The following NFATC1 variants were observed in gnomAD, a reference collection of about 807,000 sequenced individuals.
NFATC1 encodes nuclear factor of activated T-cells, cytoplasmic 1.
NFATC1 carries 22 observed loss-of-function variants against 76.0 expected under a neutral mutation model. That is an observed-to-expected ratio of 0.29 (90% confidence interval 0.21 to 0.41). The LOEUF (loss-of-function observed/expected upper bound fraction) is 0.41. NFATC1 is among the 10% of genes least tolerant of loss of function. The pLI is 1.00. For synonymous variants in NFATC1, 704 were observed against 613.1 expected (o/e 1.15, Z -2.19); for missense variants, 1,357 against 1,337.7 (o/e 1.01, Z -0.23).
intron 9 of NFATC1, among the ~76,000 whole-genome samples, chr18:79,504,001 G>A (rs1250620031): frequency 1.3e-5 from 2 of 152,304 alleles, no homozygotes; most frequent in South Asian, 2.1e-4. Context: ...CAGAGAGAGC[G>A]AGGGTCTTGG....
chr18:79,436,051 A>G (rs1029268295), intron 3 of NFATC1, among the ~76,000 whole-genome samples: 4 of 152,222 alleles, frequency 2.6e-5, no homozygotes, highest in African/African-American at 4.8e-5. Flanking sequence ...CAGTTGGTGG[A>G]CCACAAATTG....
chr18:79,450,816 T>C (rs1390500796), intron 4 of NFATC1, 138 bp from the exon 5 acceptor site: 1 of 1,111,828 alleles, frequency 9.0e-7, no homozygotes. Flanking sequence ...CTTGTTTTCC[T>C]TGGGGAAGGG....
chr18:79,523,736 C>T (rs56151036), intron 9 of NFATC1, among the ~76,000 whole-genome samples: 6,516 of 152,242 alleles, frequency 0.043, 217 homozygotes, highest in Admixed American at 0.074. Context: ...GGATTCAAAA[C>T]GCCACAGTCG....
In NFATC1 at chr18:79,510,814, TCC is replaced by T. The variant is rs1274877300; in HGVS notation, c.2783-16713_2783-16712del. On this transcript the variant is annotated intron_variant, in intron 9 of 9. Transcript: ENST00000427363. ...GACCCCGGCATCCCCTCCACGGGGC[TCC>T]TCTGCCGGGGCATCCTCTGCCGGGG... Among the ~76,000 whole-genome samples, 47 of 13,088 alleles carry T rather than the reference TCC, an allele frequency of 3.6e-3. 2 individuals are homozygous for T. The highest frequency in any genetic ancestry group is 3.2e-4 in the Non-Finnish European group (1 of 3,138). 8.6% of individuals were successfully genotyped at this position (13,088 alleles called of 152,430 possible).
chr18:79,434,391 G>A (rs538105519), intron 3 of NFATC1, among the ~76,000 whole-genome samples: 1 of 152,378 alleles, frequency 6.6e-6, no homozygotes, highest in East Asian at 1.9e-4. Flanking sequence ...AGGGAGGGGT[G>A]TAATGACCGC....
At chr18:79,438,416 G>A (rs575152231) in intron 3 of NFATC1, among the ~76,000 whole-genome samples, 2 of 152,266 alleles carry the variant, frequency 1.3e-5, no homozygotes, top group East Asian at 3.9e-4. Flanking sequence ...ACCATCCCAC[G>A]GGGGCACGTG....
intron 9 of NFATC1, among the ~76,000 whole-genome samples, chr18:79,516,899 G>A (rs1334104084): frequency 6.6e-6 from 1 of 152,112 alleles, no homozygotes; most frequent in Admixed American, 6.5e-5. Context: ...CCTTAAATGA[G>A]AGCCATACAA....
chr18:79,464,698 A>ATATATAT (rs1329123171), intron 7 of NFATC1, among the ~76,000 whole-genome samples: 1 of 94,874 alleles, frequency 1.1e-5, no homozygotes, highest in African/African-American at 5.5e-5. Flanking sequence ...ATATATATTT[A>ATATATAT]TTTATTTATT....
chr18:79,440,652 TC>T (rs1436763437), intron 3 of NFATC1, among the ~76,000 whole-genome samples: 1 of 152,204 alleles, frequency 6.6e-6, no homozygotes, highest in African/African-American at 2.4e-5. Flanking sequence ...AGCTGGGTTC[TC>T]CCGGGAAGGA....
At chr18:79,468,053 G>A (rs1341840976) in intron 8 of NFATC1, 15 of 941,286 alleles carry the variant, frequency 1.6e-5, no homozygotes, top group South Asian at 4.9e-5. Flanking sequence ...CTGGGCGGAC[G>A]TCCCCGAGAC....
At chr18:79,409,003 C>T (rs8098829) in intron 1 of NFATC1, among the ~76,000 whole-genome samples, 9,514 of 91,088 alleles carry the variant, frequency 0.1, 2,265 homozygotes, top group African/African-American at 0.33. Flanking sequence ...TTCCTCCATT[C>T]CCTATCCATC....
chr18:79,400,161 C>CGAGTTTATTTAAAAACTCGTGTCCGGG, intron 1 of NFATC1: 3 of 1,074,326 alleles, frequency 2.8e-6, no homozygotes, highest in Non-Finnish European at 3.4e-6. Context: ...GGGGGGGACA[C>CGAGTTTATTTAAAAACTCGTGTCCGGG]GAGTTTATTT....
At chr18:79,414,990 C>T (rs985618094) in intron 2 of NFATC1, among the ~76,000 whole-genome samples, 4 of 152,212 alleles carry the variant, frequency 2.6e-5, no homozygotes, top group African/African-American at 9.6e-5. Flanking sequence ...CTAAAGTCTA[C>T]GTGATTGCTT....
chr18:79,442,987 G>A (rs1384516347), intron 3 of NFATC1, among the ~76,000 whole-genome samples: 1 of 152,210 alleles, frequency 6.6e-6, no homozygotes, highest in South Asian at 2.1e-4. Context: ...AGCTCCGCCT[G>A]CCCCCTTTTG....
intron 2 of NFATC1, among the ~76,000 whole-genome samples, chr18:79,429,872 C>T (rs1029293747): frequency 6.6e-6 from 1 of 152,236 alleles, no homozygotes; most frequent in African/African-American, 2.4e-5. Context: ...GGGTCAACGG[C>T]GGACTTCACC....
intron 2 of NFATC1, chr18:79,422,272 T>A (rs2086119382): frequency 6.6e-6 from 1 of 151,900 alleles, no homozygotes; most frequent in Non-Finnish European, 1.5e-5. Flanking sequence ...TGGTTTTGGT[T>A]TTTGTTTTAT....
intron 4 of NFATC1, among the ~76,000 whole-genome samples, chr18:79,449,948 G>A (rs1014074206): frequency 6.6e-6 from 1 of 152,250 alleles, no homozygotes; most frequent in Non-Finnish European, 1.5e-5. Flanking sequence ...AGCACTGGGA[G>A]GAATGTACGC....
chr18:79,441,816 G>C (rs2086986520), intron 3 of NFATC1, among the ~76,000 whole-genome samples: 1 of 152,106 alleles, frequency 6.6e-6, no homozygotes, highest in Non-Finnish European at 1.5e-5. Context: ...TGTTTCAGGA[G>C]TTGCATTCTA....
At chr18:79,428,996 G>A (rs1429525265) in intron 2 of NFATC1, among the ~76,000 whole-genome samples, 2 of 152,162 alleles carry the variant, frequency 1.3e-5, no homozygotes, top group Non-Finnish European at 2.9e-5. Context: ...TGAAGCGGGC[G>A]GATCACCTGA....
Sources: allele counts gnomAD v4.1 joint callset (sites outside exome capture counted in the v4.1 genomes callset), GRCh38; gene constraint gnomAD v4.1.1; transcripts MANE v1.5; gene names NCBI Gene and HGNC (gene_info 2026-07-23, HGNC 2026-07-21).